Variants in LRMDA observed in about 807,000 individuals in gnomAD.
LRMDA encodes leucine rich melanocyte differentiation associated, also known as leucine-rich melanocyte differentiation-associated protein.
A neutral mutation model predicts 29.8 loss-of-function variants in LRMDA; 18 were observed. The observed-to-expected ratio is 0.60, with a 90% CI of 0.42 to 0.90. The LOEUF (loss-of-function observed/expected upper bound fraction) is 0.90, where lower values mean the gene tolerates loss of function less well. Among genes scored for constraint, LRMDA ranks in the 40% least tolerant of loss-of-function variants. The pLI is 0.00. For synonymous variants in LRMDA, 125 were observed against 109.4 expected (o/e 1.14, Z -0.89); for missense variants, 273 against 273.9 (o/e 1.00, Z 0.02).
At chr10:75,523,852 T>C (rs1384231259) in intron 2 of LRMDA, among the ~76,000 whole-genome samples, 1 of 152,158 alleles carries the variant, frequency 6.6e-6, no homozygotes, top group African/African-American at 2.4e-5. Flanking sequence ...TTCCCCTCAG[T>C]GTCTGATAAA....
Position 76,167,256 on chromosome 10 carries a change from G to T in LRMDA, c.516+108473G>T, listed in dbSNP as rs1850757370. On this transcript the variant is annotated intron_variant, in intron 5 of 6. Coordinates refer to ENST00000611255, the MANE Select transcript of LRMDA (RefSeq NM_001305581.2). ...GCAAATATCTTCTCCCATTCTGTAG[G>T]TTGTCTGTTTACTCTGTTGATAGTT... Among the ~76,000 whole-genome samples, 3 of 152,160 alleles carry T rather than the reference G, an allele frequency of 2.0e-5. No homozygotes were observed. In the South Asian group the frequency reaches 6.2e-4, roughly 31 times the overall value.
At chr10:76,403,949 C>T (rs919336097) in intron 6 of LRMDA, among the ~76,000 whole-genome samples, 1 of 152,152 alleles carries the variant, frequency 6.6e-6, no homozygotes, top group Non-Finnish European at 1.5e-5. Flanking sequence ...GGTGCCCGCT[C>T]TCCACTAGTG....
chr10:76,124,918 T>A (rs545134020), intron 5 of LRMDA, among the ~76,000 whole-genome samples: 40 of 152,316 alleles, frequency 2.6e-4, no homozygotes, highest in African/African-American at 9.4e-4. Context: ...ATCATTTTTG[T>A]CTCAAAAGCA....
intron 5 of LRMDA, among the ~76,000 whole-genome samples, chr10:76,313,040 TGGGAAGGGA>T (rs986274404): frequency 6.6e-6 from 1 of 152,032 alleles, no homozygotes; most frequent in Non-Finnish European, 1.5e-5. Flanking sequence ...TTACCTTTAT[TGGGAAGGGA>T]GGCAGCATAA....
At chr10:75,483,113 T>G (rs1001189196) in intron 2 of LRMDA, among the ~76,000 whole-genome samples, 1 of 152,040 alleles carries the variant, frequency 6.6e-6, no homozygotes, top group Non-Finnish European at 1.5e-5. Flanking sequence ...CCTGGCTAAT[T>G]TTTTATTTTA....
Position 75,876,202 on chromosome 10 carries a change from C to T in LRMDA, c.132-159806C>T, listed in dbSNP as rs116177315. 4.6e-3 allele frequency among the ~76,000 whole-genome samples: 707 copies of T among 152,332 alleles called. 10 individuals are homozygous for T. Among genetic ancestry groups the T allele is most frequent in the African/African-American group, 0.016 (678 of 41,580 alleles). ...AGGTGCAGCTGAGGCTGCAGTCAGC[C>T]TGAAGAGTGTCCTGGGGAGCTGGCT... On this transcript the variant is annotated intron_variant, in intron 2 of 6. Coordinates refer to ENST00000611255, the MANE Select transcript of LRMDA (RefSeq NM_001305581.2).
intron 2 of LRMDA, among the ~76,000 whole-genome samples, chr10:76,017,352 A>G (rs964237219): frequency 6.6e-6 from 1 of 152,240 alleles, no homozygotes; most frequent in East Asian, 1.9e-4. Context: ...ACCCTCCCCT[A>G]GTGCCTTCAG....
chr10:76,285,325 A>G (rs947203610), intron 5 of LRMDA, among the ~76,000 whole-genome samples: 8 of 152,070 alleles, frequency 5.3e-5, no homozygotes, highest in African/African-American at 1.7e-4. Flanking sequence ...AGTTGTCTGC[A>G]AACTTGGATA....
At chr10:76,256,154 T>C (rs1365704154) in intron 5 of LRMDA, among the ~76,000 whole-genome samples, 1 of 152,200 alleles carries the variant, frequency 6.6e-6, no homozygotes, top group Non-Finnish European at 1.5e-5. Context: ...ACCATAATAA[T>C]TTTCTGGAAT....
At chr10:75,746,720 C>G (rs1013972069) in intron 2 of LRMDA, among the ~76,000 whole-genome samples, 1 of 151,926 alleles carries the variant, frequency 6.6e-6, no homozygotes, top group East Asian at 1.9e-4. Context: ...GTAGAGAGTG[C>G]TATTTTTGGG....
intron 6 of LRMDA, among the ~76,000 whole-genome samples, chr10:76,543,421 C>G (rs2132387357): frequency 1.3e-5 from 2 of 152,106 alleles, no homozygotes; most frequent in East Asian, 3.9e-4. Context: ...AATTACTCCT[C>G]TCCCTGGCCT....
At chr10:76,478,347 A>G (rs1218020266) in intron 6 of LRMDA, among the ~76,000 whole-genome samples, 2 of 152,212 alleles carry the variant, frequency 1.3e-5, no homozygotes, top group African/African-American at 4.8e-5. Flanking sequence ...ACCCAATGAG[A>G]TACCATCTCA....
intron 2 of LRMDA, among the ~76,000 whole-genome samples, chr10:75,887,056 G>A (rs1845403200): frequency 6.6e-6 from 1 of 152,000 alleles, no homozygotes; most frequent in Non-Finnish European, 1.5e-5. Flanking sequence ...AATAATTATA[G>A]ATGGTTCTAC....
chr10:75,608,186 C>T (rs1389233617), intron 2 of LRMDA, among the ~76,000 whole-genome samples: 1 of 147,826 alleles, frequency 6.8e-6, no homozygotes, highest in Non-Finnish European at 1.5e-5. Context: ...GGTGTCCTGC[C>T]ATTTGCAACA....
At chr10:76,212,005 G>C (rs1232994790) in intron 5 of LRMDA, among the ~76,000 whole-genome samples, 1 of 152,110 alleles carries the variant, frequency 6.6e-6, no homozygotes, top group Admixed American at 6.5e-5. Flanking sequence ...CACCAATGTG[G>C]GGGCAAAGGT....
intron 2 of LRMDA, among the ~76,000 whole-genome samples, chr10:75,866,406 C>A (rs1885823): frequency 0.55 from 83,310 of 152,078 alleles, 23,363 homozygotes; most frequent in East Asian, 0.8. Flanking sequence ...CTTTCCCTGG[C>A]TTCAGACATC....
intron 6 of LRMDA, among the ~76,000 whole-genome samples, chr10:76,417,567 A>G (rs1248847431): frequency 6.6e-6 from 1 of 152,148 alleles, no homozygotes; most frequent in African/African-American, 2.4e-5. Context: ...GGTAGCCAAC[A>G]TTCAGACATC....
chr10:75,768,426 G>A (rs960068575), intron 2 of LRMDA, among the ~76,000 whole-genome samples: 1 of 152,186 alleles, frequency 6.6e-6, no homozygotes, highest in Admixed American at 6.5e-5. Context: ...GGAACTTTCA[G>A]GTTATAACTT....
rs79190328 is a variant in LRMDA at position 75,593,383 on chromosome 10, C to T, written c.131+154889C>T. Among the ~76,000 whole-genome samples, 501 of 152,338 alleles carry T rather than the reference C, an allele frequency of 3.3e-3. 3 individuals are homozygous for T. The highest frequency in any genetic ancestry group is 0.012 in the African/African-American group (487 of 41,588). The stretch of plus-strand genomic sequence containing the variant: ...TATCTCCAGCAGTAAACTCTGCAGT[C>T]ATTGCAAAGCTTGACAAGAAAATGA... On this transcript the variant is annotated intron_variant, in intron 2 of 6. Coordinates refer to ENST00000611255, the MANE Select transcript of LRMDA (RefSeq NM_001305581.2).
Sources: allele counts gnomAD v4.1 joint callset (sites outside exome capture counted in the v4.1 genomes callset), GRCh38; gene constraint gnomAD v4.1.1; transcripts MANE v1.5; gene names NCBI Gene and HGNC (gene_info 2026-07-23, HGNC 2026-07-21).